WSCD1: variants seen among roughly 807,000 people sequenced by gnomAD.
WSCD1 encodes WSC domain sialate O sulfotransferase 1, also known as sialate:O-sulfotransferase 1.
WSCD1 carries 41 observed loss-of-function variants against 60.4 expected under a neutral mutation model. The observed-to-expected ratio is 0.68, with a 90% CI of 0.53 to 0.88. WSCD1 has a LOEUF of 0.88. WSCD1 is among the 40% of genes least tolerant of loss of function. The pLI, the probability that WSCD1 is intolerant of heterozygous loss-of-function variation, is 0.00. For synonymous variants in WSCD1, 361 were observed against 332.5 expected (o/e 1.09, Z -0.93); for missense variants, 784 against 796.2 (o/e 0.98, Z 0.18).
rs530172031 is a variant in WSCD1, at chr17:6,078,148, AATTTATCTGTGGTCTCGTTC to A, written c.-288-2218_-288-2199del. 2.0e-5 allele frequency: 3 copies of A among 152,370 alleles called. No individual in the cohort carries two copies. The East Asian group carries it at 5.8e-4, about 29-fold the overall frequency. The allele number at this position is 152,370 out of a possible 1,614,324, so 9.4% of individuals were successfully genotyped here. ...TTTCTGATGTCAGGATTTGCGTATCAATTTATCTGTGGTCTCGTTCATTTTTAAGATGTATTCATAAACAA... is the reference window on the plus strand; with the variant it reads ...TTTCTGATGTCAGGATTTGCGTATCAATTTTTAAGATGTATTCATAAACAA... On this transcript the variant is annotated intron_variant, in intron 1 of 8. Transcript: ENST00000317744.
chr17:6,100,314 C>G (rs1364891953), intron 5 of WSCD1, among the ~76,000 whole-genome samples: 2 of 152,210 alleles, frequency 1.3e-5, no homozygotes, highest in African/African-American at 4.8e-5. Context: ...CAGGGGTACC[C>G]TCAGAGATGC....
chr17:6,121,729 G>A lies in WSCD1; in HGVS notation c.*1068G>A, dbSNP rs1904719559. The A allele has an allele frequency of 6.6e-6, 1 of 150,516 alleles. No individual in the cohort carries two copies. The highest frequency in any genetic ancestry group is 1.5e-5 in the Non-Finnish European group (1 of 67,830). 9.3% of individuals were successfully genotyped at this position (150,516 alleles called of 1,614,324 possible). On this transcript the variant is annotated 3_prime_UTR_variant, in exon 9 of 9. Coordinates refer to ENST00000317744, the MANE Select transcript of WSCD1 (RefSeq NM_015253.2). ...ACCCATAGGGGCCCTGTTCTCTCTG[G>A]GGTCCCACACTGGGGTCATGAGAGC...
rs1904640776 is a variant in WSCD1 at position 6,120,722 on chromosome 17, C to G, written c.*61C>G. On this transcript the variant is annotated 3_prime_UTR_variant, in exon 9 of 9. Coordinates refer to ENST00000317744, the MANE Select transcript of WSCD1 (RefSeq NM_015253.2). ...CGCAATCGCACCACGGGGCTGCGCT[C>G]CCCACTCTGATGCTCAGGCCCGTGG... 6.6e-7 allele frequency: 1 copy of G among 1,521,956 alleles called. No individual in the cohort carries two copies. Among genetic ancestry groups the G allele is most frequent in the African/African-American group, 1.4e-5 (1 of 73,246 alleles). 94.3% of individuals were successfully genotyped at this position (1,521,956 alleles called of 1,614,324 possible). A position where few individuals can be genotyped will look rare whatever the true frequency, so the allele number is the denominator to read the frequency against.
intron 5 of WSCD1, among the ~76,000 whole-genome samples, chr17:6,096,782 C>T (rs1313997351): frequency 6.6e-6 from 1 of 152,144 alleles, no homozygotes; most frequent in African/African-American, 2.4e-5. Context: ...CTAGGGCTTC[C>T]CTCACACCTG....
chr17:6,105,624 C>T (rs546676844), intron 5 of WSCD1, among the ~76,000 whole-genome samples: 2 of 152,310 alleles, frequency 1.3e-5, no homozygotes, highest in East Asian at 1.9e-4. Context: ...GCTCTCCTGT[C>T]GCTCTGCAAA....
rs141180582 is a variant in WSCD1 at position 6,092,070 on chromosome 17, C to T, written c.727+1565C>T. ...TCAGGAGGCTGAGGCAGGAGAATCG[C>T]TTGAACCCGGGAGGCGGAGGTTGCA... On this transcript the variant is annotated intron_variant, in intron 4 of 8. Coordinates refer to ENST00000317744, the MANE Select transcript of WSCD1 (RefSeq NM_015253.2). Among the ~76,000 whole-genome samples, 1,130 of 148,438 alleles carry T rather than the reference C, an allele frequency of 7.6e-3. 12 individuals carry two copies. Among genetic ancestry groups the T allele is most frequent in the African/African-American group, 0.025 (1,024 of 40,614 alleles).
rs16955456 is a variant in WSCD1, at chr17:6,101,926, C to G, written c.849+6703C>G. On this transcript the variant is annotated intron_variant, in intron 5 of 8. Transcript: ENST00000317744. This position sits in a 1 kb window ranked among gnomAD's most constrained non-coding sequence, Gnocchi z 4.1. The stretch of plus-strand genomic sequence containing the variant: ...AAGGAGGCTGATGAGCGAAATCTAA[C>G]ACCATCTGCAAATAGGTTACTAATG... Among the ~76,000 whole-genome samples the G allele has an allele frequency of 0.19, 28,627 of 152,192 alleles. 2,929 individuals are homozygous for G. Among genetic ancestry groups the G allele is most frequent in the African/African-American group, 0.24 (9,785 of 41,524 alleles).
At position 6,073,777 on chromosome 17, in the gene WSCD1, G is replaced by T. The variant is rs1009216374; in HGVS notation, c.-289+3125G>T. Among the ~76,000 whole-genome samples, 6 of 152,370 alleles carry T rather than the reference G, an allele frequency of 3.9e-5. No homozygotes were observed. In the South Asian group the frequency reaches 1.2e-3, roughly 32 times the overall value. On this transcript the variant is annotated intron_variant, in intron 1 of 8. Transcript: ENST00000317744. Reference sequence around the variant, plus strand: ...CGCTGGTGCTGTGTCTTTCTGTGTGGACCCAGCCTCCAGCATGGTGCTTGG... The same window carrying T: ...CGCTGGTGCTGTGTCTTTCTGTGTGTACCCAGCCTCCAGCATGGTGCTTGG...
chr17:6,098,392 A>G (rs1274969183), intron 5 of WSCD1, among the ~76,000 whole-genome samples: 1 of 152,160 alleles, frequency 6.6e-6, no homozygotes, highest in Non-Finnish European at 1.5e-5. Flanking sequence ...GCAGTTTCAC[A>G]CTGGAGCATG....
At chr17:6,097,159 G>A (rs551922280) in intron 5 of WSCD1, among the ~76,000 whole-genome samples, 5 of 152,368 alleles carry the variant, frequency 3.3e-5, no homozygotes, top group Admixed American at 6.5e-5. Context: ...CACACAGCCC[G>A]TGGTTTTACA....
intron 7 of WSCD1, among the ~76,000 whole-genome samples, chr17:6,111,286 C>T (rs1011363961): frequency 1.3e-5 from 2 of 152,094 alleles, no homozygotes; most frequent in Non-Finnish European, 2.9e-5. Flanking sequence ...GCTACCCAAC[C>T]CACACTATAG....
intron 2 of WSCD1, among the ~76,000 whole-genome samples, chr17:6,086,180 C>T (rs1185762224): frequency 6.7e-6 from 1 of 149,912 alleles, no homozygotes; most frequent in African/African-American, 2.5e-5. Flanking sequence ...CGCTTGTTCT[C>T]CTCTGCTTTG....
intron 1 of WSCD1, among the ~76,000 whole-genome samples, chr17:6,079,531 G>C (rs2150530197): frequency 6.6e-6 from 1 of 152,314 alleles, no homozygotes; most frequent in South Asian, 2.1e-4. Flanking sequence ...TCTTCTCTGG[G>C]TGCTCAGCCT....
Position 6,080,519 on chromosome 17 carries a change from G to A in WSCD1, c.-140G>A, listed in dbSNP as rs1909161657. Reference sequence around the variant, plus strand: ...ACCTACTGGAAACGGGGCAGGAACAGTGAGTGACCCCAGGCGAGCACAGGC... The same window carrying A: ...ACCTACTGGAAACGGGGCAGGAACAATGAGTGACCCCAGGCGAGCACAGGC... On this transcript the variant is annotated 5_prime_UTR_variant, in exon 2 of 9. In the 5' UTR this introduces an upstream ATG that the reference lacks. Transcript: ENST00000317744. The surrounding 1 kb of genome is among the most constrained non-coding windows in gnomAD (Gnocchi z 6.6). 3 of 840,356 alleles carry A rather than the reference G, an allele frequency of 3.6e-6. No individual in the cohort carries two copies. The highest frequency in any genetic ancestry group is 1.9e-6 in the Non-Finnish European group (1 of 534,704). The allele number at this position is 840,356 out of a possible 1,614,324, so 52.1% of individuals were successfully genotyped here. A position where few individuals can be genotyped will look rare whatever the true frequency, so the allele number is the denominator to read the frequency against.
chr17:6,113,299 A>G (rs186354628), intron 7 of WSCD1, among the ~76,000 whole-genome samples: 33 of 152,342 alleles, frequency 2.2e-4, no homozygotes, highest in Admixed American at 8.5e-4. Flanking sequence ...AACCATATGC[A>G]GAAGACTGAA....
Position 6,093,633 on chromosome 17 carries a change from G to GCC in WSCD1, c.728-1467_728-1466dup, listed in dbSNP as rs373897343. Among the ~76,000 whole-genome samples, 301 of 152,316 alleles carry GCC rather than the reference G, an allele frequency of 2.0e-3. 1 individual carries two copies. Among genetic ancestry groups the GCC allele is most frequent in the Middle Eastern group, 0.01 (3 of 294 alleles). On this transcript the variant is annotated intron_variant, in intron 4 of 8. Coordinates refer to ENST00000317744, the MANE Select transcript of WSCD1 (RefSeq NM_015253.2). ...CAAAGAACAGGAAAGAGTTTTGTGA[G>GCC]CCCAGCACCTGCCACCACCCTCGAC...
At position 6,124,385 on chromosome 17, in the gene WSCD1, C is replaced by CT. The variant is rs1160101164; in HGVS notation, c.*3731dup. On this transcript the variant is annotated 3_prime_UTR_variant, in exon 9 of 9. Transcript: ENST00000317744. ...GCTTGAGATTGGCCTTACCTCTGGACTTTTTTTGTTATATGAGCTAATAAA... is the reference window on the plus strand; with the variant it reads ...GCTTGAGATTGGCCTTACCTCTGGACTTTTTTTTGTTATATGAGCTAATAAA... The CT allele has an allele frequency of 6.6e-6, 1 of 152,138 alleles. No homozygotes were observed. Among genetic ancestry groups the CT allele is most frequent in the Non-Finnish European group, 1.5e-5 (1 of 68,028 alleles). 9.4% of individuals were successfully genotyped at this position (152,138 alleles called of 1,614,324 possible).
At chr17:6,109,945 C>G (rs528413437) in intron 6 of WSCD1, among the ~76,000 whole-genome samples, 179 bp downstream of exon 6, 1 of 152,130 alleles carries the variant, frequency 6.6e-6, no homozygotes, top group Admixed American at 6.5e-5. Flanking sequence ...GTTTTCCACC[C>G]TCCACAGAGG....
At position 6,109,736 on chromosome 17, in the gene WSCD1, T is replaced by A. The variant is rs1567560141; in HGVS notation, c.979T>A (p.Tyr327Asn). The A allele has an allele frequency of 6.2e-7, 1 of 1,613,968 alleles. No homozygotes were observed. Among genetic ancestry groups the A allele is most frequent in the Non-Finnish European group, 8.5e-7 (1 of 1,179,970 alleles). ...QDPEAQRLAE[Y>N]CEVYQTPVQD... ...CCCTGAGGCACAGAGGCTGGCAGAA[T>A]ACTGTGAGGTCTACCAGACACCTGT... The change falls in exon 6 of 9, where the codon TAC becomes AAC. Residue 327 changes from tyrosine to asparagine, a missense_variant. Coordinates refer to ENST00000317744, the MANE Select transcript of WSCD1 (RefSeq NM_015253.2).
Sources: gnomAD v4.1 joint callset for allele counts (sites outside exome capture counted in the v4.1 genomes callset) on GRCh38, gnomAD v4.1.1 for gene constraint, Gnocchi (gnomAD v3.1) non-coding constraint, MANE v1.5 for transcripts, NCBI Gene and HGNC (gene_info 2026-07-23, HGNC 2026-07-21) for gene names.